Variants in NPSR1 observed in about 807,000 individuals in gnomAD.
NPSR1 encodes the protein neuropeptide S receptor.
In NPSR1, 48 loss-of-function variants were observed where a neutral mutation model predicts 46.9. The observed-to-expected ratio is 1.02, with a 90% CI of 0.81 to 1.30. NPSR1 has a LOEUF of 1.30. Among genes scored for constraint, NPSR1 ranks in the 50% most tolerant of loss-of-function variants. The probability of loss-of-function intolerance (pLI) is 0.00; values close to 1 mark genes in which losing one functional copy is unlikely to be tolerated. For synonymous variants in NPSR1, 176 were observed against 168.1 expected (o/e 1.05, Z -0.36); for missense variants, 450 against 449.5 (o/e 1.00, Z -0.01).
At chr7:34,809,880 A>G (rs1252076964) in intron 3 of NPSR1, among the ~76,000 whole-genome samples, 7 of 152,160 alleles carry the variant, frequency 4.6e-5, no homozygotes, top group Non-Finnish European at 7.3e-5. Flanking sequence ...GAGAATATAC[A>G]GTATTTTGTT....
rs1554336128 is a variant in NPSR1 at position 34,823,399 on chromosome 7, G to GAAAAAGAAAA, written c.479-3997_479-3996insGAAAAAAAAA. Among the ~76,000 whole-genome samples the GAAAAAGAAAA allele has an allele frequency of 1.2e-4, 8 of 68,282 alleles. 1 individual carries two copies. The highest frequency in any genetic ancestry group is 3.6e-4 in the African/African-American group (7 of 19,578). 44.8% of individuals were successfully genotyped at this position (68,282 alleles called of 152,430 possible). ...TTGGCAACAGAGCAAGACTTCACCA[G>GAAAAAGAAAA]AAAAAAAAAAAAAAAAACAACACCA... is the stretch of plus-strand genomic sequence containing the variant. On this transcript the variant is annotated intron_variant, in intron 4 of 8. Coordinates refer to ENST00000360581, the MANE Select transcript of NPSR1 (RefSeq NM_207172.2).
intron 8 of NPSR1, among the ~76,000 whole-genome samples, chr7:34,871,737 T>C (rs745880347): frequency 2.6e-5 from 4 of 151,954 alleles, no homozygotes; most frequent in Non-Finnish European, 4.4e-5. Context: ...CATCACGTTT[T>C]AAAGCTCCAA....
At chr7:34,852,559 C>CCA (rs760310418), downstream of NPSR1, among the ~76,000 whole-genome samples, 27 of 152,078 alleles carry the variant, frequency 1.8e-4, no homozygotes, top group Admixed American at 3.3e-4. Flanking sequence ...CCCCAGGGGA[C>CCA]CAATGACTCA....
intron 2 of NPSR1, among the ~76,000 whole-genome samples, chr7:34,757,923 G>A (rs1785953425): frequency 6.6e-6 from 1 of 152,160 alleles, no homozygotes; most frequent in Non-Finnish European, 1.5e-5. Context: ...TGCTTTATAA[G>A]CACAATCTGG....
intron 2 of NPSR1, among the ~76,000 whole-genome samples, chr7:34,708,591 G>C (rs1349463642): frequency 6.6e-6 from 1 of 152,204 alleles, no homozygotes; most frequent in African/African-American, 2.4e-5. Context: ...CTTATAGTTA[G>C]AGGAAGGAAA....
intron 1 of NPSR1, among the ~76,000 whole-genome samples, chr7:34,666,981 C>A (rs944629589): frequency 1.3e-5 from 2 of 152,190 alleles, no homozygotes; most frequent in African/African-American, 4.8e-5. Flanking sequence ...AATAACAATG[C>A]CATTCACTTA....
chr7:34,669,941 G>A (rs558676366), intron 1 of NPSR1, among the ~76,000 whole-genome samples: 1 of 152,280 alleles, frequency 6.6e-6, no homozygotes, highest in East Asian at 1.9e-4. Flanking sequence ...ATTTAAGATA[G>A]CATTAATTCT....
intron 3 of NPSR1, among the ~76,000 whole-genome samples, chr7:34,795,120 C>CA (rs529386796): frequency 7.4e-4 from 112 of 152,252 alleles, no homozygotes; most frequent in African/African-American, 2.6e-3. Context: ...CACTGGATAT[C>CA]AGTTAATGTA....
At chr7:34,710,715 A>G (rs577962072) in intron 2 of NPSR1, 1 of 325,458 alleles carries the variant, frequency 3.1e-6, no homozygotes, top group South Asian at 2.7e-5. Flanking sequence ...GGGTCTAGTG[A>G]TTCTCAATTA....
intron 2 of NPSR1, among the ~76,000 whole-genome samples, chr7:34,722,486 G>C (rs1783912108): frequency 6.6e-6 from 1 of 152,122 alleles, no homozygotes; most frequent in Admixed American, 6.5e-5. Flanking sequence ...ATTATGTTCT[G>C]TTTTATATTG....
At chr7:34,793,864 A>G (rs1418349158) in intron 3 of NPSR1, among the ~76,000 whole-genome samples, 1 of 152,210 alleles carries the variant, frequency 6.6e-6, no homozygotes, top group African/African-American at 2.4e-5. Flanking sequence ...TGGTATATAC[A>G]TAATATGCAA....
rs1788737219 is a variant in NPSR1 at position 34,807,121 on chromosome 7, CGAGTT to C, written c.385-4648_385-4644del. ...TTGTACTTTGATTTCCTTCTTGACT[CGAGTT>C]AATTATGAGGGTGTTTAAATTTCCA... is the stretch of plus-strand genomic sequence containing the variant. On this transcript the variant is annotated intron_variant, in intron 3 of 8. Coordinates refer to ENST00000360581, the MANE Select transcript of NPSR1 (RefSeq NM_207172.2). 3.3e-5 allele frequency among the ~76,000 whole-genome samples: 5 copies of C among 152,012 alleles called. No individual in the cohort carries two copies. In the South Asian group the frequency reaches 1.0e-3, roughly 32 times the overall value.
chr7:34,738,417 G>C (rs1004660943), intron 2 of NPSR1, among the ~76,000 whole-genome samples: 10 of 152,026 alleles, frequency 6.6e-5, no homozygotes, highest in Non-Finnish European at 1.2e-4. Flanking sequence ...ATTATTTTTG[G>C]CAAGTTATTT....
intron 2 of NPSR1, among the ~76,000 whole-genome samples, chr7:34,703,329 C>T (rs896786168): frequency 1.3e-5 from 2 of 152,124 alleles, no homozygotes; most frequent in Non-Finnish European, 2.9e-5. Flanking sequence ...CGAGATCGCG[C>T]CACTGCCCTC....
chr7:34,689,783 A>C (rs1195630917), intron 2 of NPSR1, among the ~76,000 whole-genome samples: 3 of 151,408 alleles, frequency 2.0e-5, no homozygotes, highest in Non-Finnish European at 2.9e-5. Context: ...ATCTCTGCAA[A>C]AAATTTTTAA....
intron 2 of NPSR1, among the ~76,000 whole-genome samples, chr7:34,705,252 C>G (rs567137419): frequency 3.3e-5 from 5 of 151,840 alleles, no homozygotes; most frequent in South Asian, 4.2e-4. Flanking sequence ...TATGGTGAAA[C>G]CCCGTCTCTA....
intron 3 of NPSR1, among the ~76,000 whole-genome samples, chr7:34,786,356 C>T (rs1584017066): frequency 1.3e-5 from 2 of 152,140 alleles, no homozygotes; most frequent in Non-Finnish European, 1.5e-5. Flanking sequence ...CACATGTACA[C>T]ACTCCACTTC....
intron 2 of NPSR1, among the ~76,000 whole-genome samples, chr7:34,722,499 T>A (rs1265317304): frequency 6.6e-6 from 1 of 152,244 alleles, no homozygotes; most frequent in Non-Finnish European, 1.5e-5. Flanking sequence ...TTATATTGAT[T>A]TGTTTGGGGC....
chr7:34,799,745 T>C (rs999537301), intron 3 of NPSR1, among the ~76,000 whole-genome samples: 2 of 98,258 alleles, frequency 2.0e-5, no homozygotes, highest in Non-Finnish European at 4.0e-5. Context: ...ATGGGCTAAA[T>C]GCTCCAATTA....
Sources: allele counts gnomAD v4.1 joint callset (sites outside exome capture counted in the v4.1 genomes callset), GRCh38; gene constraint gnomAD v4.1.1; transcripts MANE v1.5; gene names NCBI Gene and HGNC (gene_info 2026-07-23, HGNC 2026-07-21).